RPAP2: variants seen among roughly 807,000 people sequenced by gnomAD.
RPAP2 encodes RNA polymerase II associated protein 2, also known as putative RNA polymerase II subunit B1 CTD phosphatase RPAP2.
A neutral mutation model predicts 73.1 loss-of-function variants in RPAP2; 52 were observed. The ratio of observed to expected loss-of-function variants is 0.71; its 90% CI spans 0.57 to 0.90. The LOEUF (loss-of-function observed/expected upper bound fraction) is 0.90. Ranked by LOEUF, RPAP2 falls within the 40% of genes least tolerant of loss-of-function variation. The pLI is 0.00. For synonymous variants in RPAP2, 225 were observed against 242.1 expected (o/e 0.93, Z 0.65); for missense variants, 598 against 701.8 (o/e 0.85, Z 1.67).
chr1:92,323,031 T>C (rs1415491194), intron 7 of RPAP2, among the ~76,000 whole-genome samples: 2 of 146,728 alleles, frequency 1.4e-5, no homozygotes, highest in Non-Finnish European at 3.0e-5. Context: ...TATTTTTATA[T>C]ATTTATATAT....
intron 1 of RPAP2, 93 bp downstream of exon 1, chr1:92,299,239 C>T (rs1358530632): frequency 6.0e-6 from 4 of 670,398 alleles, no homozygotes; most frequent in Non-Finnish European, 9.3e-6. Context: ...TCCTGAAAGG[C>T]TGCTTCAGGG....
At chr1:92,302,379 C>T (rs36114101) in intron 3 of RPAP2, among the ~76,000 whole-genome samples, 1 of 150,300 alleles carries the variant, frequency 6.7e-6, no homozygotes, top group South Asian at 2.1e-4. Flanking sequence ...AGTCATAGTT[C>T]TTTTAACCAG....
intron 6 of RPAP2, among the ~76,000 whole-genome samples, chr1:92,308,147 A>C (rs1208606577): frequency 6.6e-6 from 1 of 152,162 alleles, no homozygotes; most frequent in Non-Finnish European, 1.5e-5. Flanking sequence ...CTCAATTCAA[A>C]TAACATCAAT....
At chr1:92,341,288 C>T (rs1653579126) in intron 10 of RPAP2, among the ~76,000 whole-genome samples, 1 of 152,136 alleles carries the variant, frequency 6.6e-6, no homozygotes, top group African/African-American at 2.4e-5. Flanking sequence ...GTATTACAGG[C>T]ATGAGCCACC....
At position 92,397,767 on chromosome 1, in the gene RPAP2, A is replaced by C. The variant is rs1656219092; in HGVS notation, c.*10756A>C. The stretch of plus-strand genomic sequence containing the variant: ...TCTAAGGCTAGAGCCAAAAAAATGC[A>C]AGATAAGCCTGGAGCATCTTGTAGT... On this transcript the variant is annotated 3_prime_UTR_variant, in exon 13 of 13. Coordinates refer to ENST00000610020, the MANE Select transcript of RPAP2 (RefSeq NM_024813.3). The C allele has an allele frequency of 6.6e-6, 1 of 152,262 alleles. No individual in the cohort carries two copies. The highest frequency in any genetic ancestry group is 2.4e-5 in the African/African-American group (1 of 41,472). The allele number at this position is 152,262 out of a possible 1,614,324, so 9.4% of individuals were successfully genotyped here.
chr1:92,315,123 A>G (rs982114682), intron 6 of RPAP2, among the ~76,000 whole-genome samples: 1 of 152,206 alleles, frequency 6.6e-6, no homozygotes, highest in African/African-American at 2.4e-5. Context: ...AAAAAAAAAA[A>G]AATTTAAAGG....
At chr1:92,347,968 G>A (rs1482320122) in intron 11 of RPAP2, among the ~76,000 whole-genome samples, 1 of 151,930 alleles carries the variant, frequency 6.6e-6, no homozygotes, top group Non-Finnish European at 1.5e-5. Context: ...GGAGTGCAAT[G>A]GCACAATCTC....
At chr1:92,339,425 T>C (rs1653475769) in intron 10 of RPAP2, among the ~76,000 whole-genome samples, 1 of 150,254 alleles carries the variant, frequency 6.7e-6, no homozygotes, top group African/African-American at 2.5e-5. Flanking sequence ...TTTTAATGGG[T>C]AGTCAAAGCT....
intron 11 of RPAP2, among the ~76,000 whole-genome samples, chr1:92,361,116 CAT>C (rs10555168): frequency 0.83 from 123,053 of 148,290 alleles, 51,144 homozygotes; most frequent in East Asian, 0.98. Flanking sequence ...CACACACACA[CAT>C]ATATATATAT....
chr1:92,309,566 TACACA>T (rs1557591789), intron 6 of RPAP2, among the ~76,000 whole-genome samples: 34 of 24,880 alleles, frequency 1.4e-3, no homozygotes, highest in Non-Finnish European at 5.0e-4. Flanking sequence ...CACATACACA[TACACA>T]TATACATATA....
rs972272584 is a variant in RPAP2, at chr1:92,323,569, A to G, written c.649A>G (p.Ser217Gly). The change falls in exon 8 of 13, where the codon AGT becomes GGT. Residue 217 changes from serine (S) to glycine (G), a missense_variant. This residue lies in a region of RPAP2 where 506 missense variants were observed against 612.8 expected (regional missense o/e 0.83). Coordinates refer to ENST00000610020, the MANE Select transcript of RPAP2 (RefSeq NM_024813.3). ...SSSSTHSDSS[S>G]DNEQDFVSSI... Reference sequence around the variant, plus strand: ...TTCTAGCACTCACAGTGATAGTAGCAGTGACAATGAGCAAGACTTTGTTTC... The same window carrying G: ...TTCTAGCACTCACAGTGATAGTAGCGGTGACAATGAGCAAGACTTTGTTTC... 22 of 1,613,796 alleles carry G rather than the reference A, an allele frequency of 1.4e-5. No individual in the cohort carries two copies. The highest frequency in any genetic ancestry group is 1.8e-5 in the Non-Finnish European group (21 of 1,179,788).
At chr1:92,320,548 G>T in intron 6 of RPAP2, 51 bp from the exon 7 acceptor site, 2 of 1,544,508 alleles carry the variant, frequency 1.3e-6, no homozygotes, top group Non-Finnish European at 1.8e-6. Context: ...GGGGTTACAG[G>T]CATGAGCCAC....
chr1:92,401,468 A>G lies in RPAP2; in HGVS notation c.*14457A>G, dbSNP rs1201279200. 5 of 152,192 alleles carry G rather than the reference A, an allele frequency of 3.3e-5. No homozygotes were observed. Among genetic ancestry groups the G allele is most frequent in the Non-Finnish European group, 7.3e-5 (5 of 68,044 alleles). The allele number at this position is 152,192 out of a possible 1,614,324, so 9.4% of individuals were successfully genotyped here. ...AGAATTCTGAGGACTTTCTACATAC[A>G]CAATCATGTCATCAGCAAATAAAGA... On this transcript the variant is annotated 3_prime_UTR_variant, in exon 13 of 13. Transcript: ENST00000610020.
chr1:92,375,709 T>A lies in RPAP2; in HGVS notation c.1689-5015T>A, dbSNP rs12097494. Among the ~76,000 whole-genome samples the A allele has an allele frequency of 2.0e-5, 3 of 152,166 alleles. No homozygotes were observed. The East Asian group carries it at 5.8e-4, about 29-fold the overall frequency. On this transcript the variant is annotated intron_variant, in intron 11 of 12. Coordinates refer to ENST00000610020, the MANE Select transcript of RPAP2 (RefSeq NM_024813.3). ...AGCTGGGTGTGGTAGCGGACGCCTA[T>A]AATTCCAGCTACTCAGGAGGCTAAG...
Position 92,351,305 on chromosome 1 carries a change from CAAA to C in RPAP2, c.1688+5412_1688+5414del, listed in dbSNP as rs60111119. Among the ~76,000 whole-genome samples, 657 of 86,864 alleles carry C rather than the reference CAAA, an allele frequency of 7.6e-3. 1 individual carries two copies. The highest frequency in any genetic ancestry group is 0.021 in the South Asian group (50 of 2,352). The allele number at this position is 86,864 out of a possible 152,430, so 57.0% of individuals were successfully genotyped here. On this transcript the variant is annotated intron_variant, in intron 11 of 12. Coordinates refer to ENST00000610020, the MANE Select transcript of RPAP2 (RefSeq NM_024813.3). ...CTGGTGACCGAGTGAGACTCTGTCT[CAAA>C]AAAAAAAAAAAAAAAAAAAAGAAAG...
chr1:92,335,181 C>T (rs1653208102), intron 9 of RPAP2, among the ~76,000 whole-genome samples: 1 of 151,834 alleles, frequency 6.6e-6, no homozygotes, highest in African/African-American at 2.4e-5. Flanking sequence ...CCCTTTTCTC[C>T]ACATTTCTCA....
intron 10 of RPAP2, among the ~76,000 whole-genome samples, chr1:92,336,672 G>A (rs1021901548): frequency 1.3e-5 from 2 of 152,084 alleles, no homozygotes; most frequent in Non-Finnish European, 2.9e-5. Flanking sequence ...CTAAAATTGA[G>A]AAGGAAAATT....
At chr1:92,301,123 A>G (rs1003182740) in intron 2 of RPAP2, among the ~76,000 whole-genome samples, 1 of 152,226 alleles carries the variant, frequency 6.6e-6, no homozygotes, top group African/African-American at 2.4e-5. Context: ...AGACTTATGT[A>G]TGTGCAGTGC....
chr1:92,327,150 C>G (rs1024376344), intron 8 of RPAP2, among the ~76,000 whole-genome samples: 16 of 152,124 alleles, frequency 1.1e-4, no homozygotes, highest in Admixed American at 4.6e-4. Flanking sequence ...ATCAAATATT[C>G]TCTCAGACCA....
Sources: gnomAD v4.1 joint callset for allele counts (sites outside exome capture counted in the v4.1 genomes callset) on GRCh38, gnomAD v4.1.1 for gene constraint, gnomAD v4.1.1 regional missense constraint, MANE v1.5 for transcripts, NCBI Gene and HGNC (gene_info 2026-07-23, HGNC 2026-07-21) for gene names.